Variants in USP42 observed in about 807,000 individuals in gnomAD.
USP42 encodes the protein ubiquitin specific peptidase 42, also known as ubiquitin carboxyl-terminal hydrolase 42.
In USP42, 23 loss-of-function variants were observed where a neutral mutation model predicts 113.0. The observed-to-expected ratio is 0.20, with a 90% CI of 0.15 to 0.29. The LOEUF (loss-of-function observed/expected upper bound fraction) is 0.29. USP42 is among the 10% of genes least tolerant of loss of function. The pLI is 1.00. For missense variants in USP42, 2,174 were observed against 1,779.8 expected, an observed-to-expected ratio of 1.22 and a Z score of -3.99; for synonymous variants, 933 against 699.0, an observed-to-expected ratio of 1.33 and a Z score of -5.28.
At chr7:6,092,940 A>G in the USP42 span, 22 of 150,972 alleles carry the variant, frequency 1.5e-4, no homozygotes, top group Admixed American at 1.4e-3. Flanking sequence ...CTTTCATTTC[A>G]TGAGAGTCTG....
upstream of USP42, among the ~76,000 whole-genome samples, chr7:6,100,166 C>T (rs1003616556): frequency 1.3e-5 from 2 of 148,918 alleles, no homozygotes; most frequent in African/African-American, 5.1e-5. Context: ...TTTCACAGTT[C>T]TAATGACTAC....
intron 3 of USP42, among the ~76,000 whole-genome samples, chr7:6,124,020 C>G (rs1036449101): frequency 2.0e-5 from 3 of 152,016 alleles, no homozygotes; most frequent in African/African-American, 7.2e-5. Flanking sequence ...GGATTACAGA[C>G]ATGCGCCGCC....
upstream of USP42, among the ~76,000 whole-genome samples, chr7:6,104,228 G>A (rs1376520601): frequency 6.6e-6 from 1 of 151,232 alleles, no homozygotes; most frequent in African/African-American, 2.5e-5. Context: ...GACTACAGGC[G>A]CGCGCCACCA....
chr7:6,113,324 C>T (rs1252823045), intron 2 of USP42, among the ~76,000 whole-genome samples: 1 of 152,068 alleles, frequency 6.6e-6, no homozygotes, highest in African/African-American at 2.4e-5. Flanking sequence ...GTGGAAAGTC[C>T]TTTGGCTTCT....
chr7:6,153,959 C>T lies in USP42; in HGVS notation c.2405C>T (p.Pro802Leu), dbSNP rs202078216. Residue 802 changes from proline to leucine, a missense_variant, in exon 15 of 18, where the codon CCG (proline) becomes CTG (leucine). Pro to Leu is a moderately conservative substitution (Grantham distance 98, BLOSUM62 -3). Coordinates refer to ENST00000306177, the MANE Select transcript of USP42 (RefSeq NM_032172.3). Reference protein sequence around the residue: ...EAMAVAPEEPPPSAGEDIVGD... With the variant: ...EAMAVAPEEPLPSAGEDIVGD... Reference sequence around the variant, plus strand: ...ATGGCCGTCGCCCCCGAGGAGCCTCCGCCCAGCGCCGGCGAGGACATCGTG... The same window carrying T: ...ATGGCCGTCGCCCCCGAGGAGCCTCTGCCCAGCGCCGGCGAGGACATCGTG... The T allele has an allele frequency of 9.4e-6, 15 of 1,595,112 alleles. No individual in the cohort carries two copies. The highest frequency in any genetic ancestry group is 1.3e-5 in the African/African-American group (1 of 74,576).
chr7:6,134,338 C>T (rs535062745), intron 3 of USP42, among the ~76,000 whole-genome samples: 9 of 152,042 alleles, frequency 5.9e-5, no homozygotes, highest in African/African-American at 7.2e-5. Flanking sequence ...TCCTTGTTAC[C>T]GGTCATTTCT....
upstream of USP42, among the ~76,000 whole-genome samples, chr7:6,103,756 C>CA (rs56711435): frequency 1.5e-5 from 2 of 129,350 alleles, no homozygotes; most frequent in Non-Finnish European, 3.2e-5. Flanking sequence ...AAAAAAAAAA[C>CA]AAAACTTAAA....
At chr7:6,112,812 G>C (rs753575326) in intron 2 of USP42, among the ~76,000 whole-genome samples, 2 of 151,790 alleles carry the variant, frequency 1.3e-5, no homozygotes, top group Non-Finnish European at 2.9e-5. Flanking sequence ...TTGTCTTCCA[G>C]TGTGGCCCAG....
chr7:6,153,521 G>A (rs1782194846), intron 14 of USP42, among the ~76,000 whole-genome samples: 2 of 152,124 alleles, frequency 1.3e-5, no homozygotes, highest in South Asian at 2.1e-4. Flanking sequence ...TTAAAGAGAC[G>A]AAATAGCTGC....
chr7:6,143,089 G>T, intron 8 of USP42, 75 bp downstream of exon 8: 1 of 1,491,232 alleles, frequency 6.7e-7, no homozygotes, highest in Non-Finnish European at 9.3e-7. Flanking sequence ...GTTTGAGAGA[G>T]TTTGGTGTGT....
chr7:6,117,885 T>C (rs28847576), intron 3 of USP42, among the ~76,000 whole-genome samples: 52,084 of 152,070 alleles, frequency 0.34, 11,931 homozygotes, highest in East Asian at 0.73. Context: ...TTTCCTTTGC[T>C]AAAATGCCTG....
rs142287566 is a variant in USP42 at position 6,141,492 on chromosome 7, G to A, written c.795+508G>A. Reference sequence around the variant, plus strand: ...ATTACAGGCGTGAGCCACCGCGCCCGGCCTGAATTTTCATTTAATATCTTA... The same window carrying A: ...ATTACAGGCGTGAGCCACCGCGCCCAGCCTGAATTTTCATTTAATATCTTA... On this transcript the variant is annotated intron_variant, in intron 7 of 17. Coordinates refer to ENST00000306177, the MANE Select transcript of USP42 (RefSeq NM_032172.3). Among the ~76,000 whole-genome samples, 38 of 151,874 alleles carry A rather than the reference G, an allele frequency of 2.5e-4. No individual in the cohort carries two copies. In the East Asian group the frequency reaches 5.0e-3, roughly 20 times the overall value.
chr7:6,120,038 TC>T (rs1562811832), intron 3 of USP42, among the ~76,000 whole-genome samples: 1 of 152,212 alleles, frequency 6.6e-6, no homozygotes, highest in South Asian at 2.1e-4. Flanking sequence ...CTGTCTCGGC[TC>T]ACTGCAACCT....
chr7:6,120,714 G>C (rs1411447312), intron 3 of USP42, among the ~76,000 whole-genome samples: 1 of 151,856 alleles, frequency 6.6e-6, no homozygotes, highest in African/African-American at 2.4e-5. Context: ...CTCATGGGTA[G>C]CTGAGATTAC....
intron 1 of USP42, among the ~76,000 whole-genome samples, chr7:6,107,036 A>G (rs1032304432): frequency 6.6e-6 from 1 of 152,268 alleles, no homozygotes; most frequent in Non-Finnish European, 1.5e-5. Context: ...AAGAAAGGTT[A>G]TGTGTGTAGC....
rs891170945 is a variant in USP42, at chr7:6,158,976, C to T, written c.3944-474C>T. ...GGTGGCCCTGTGTTTCCGTCCCCGT[C>T]CCACTGCACCGATGACAGGGTTTGC... On this transcript the variant is annotated intron_variant, in intron 16 of 17. Transcript: ENST00000306177. This position sits in a 1 kb window ranked among gnomAD's most constrained non-coding sequence, Gnocchi z 4.2. Among the ~76,000 whole-genome samples, 2 of 152,122 alleles carry T rather than the reference C, an allele frequency of 1.3e-5. No individual in the cohort carries two copies. The highest frequency in any genetic ancestry group is 2.9e-5 in the Non-Finnish European group (2 of 68,008).
Position 6,148,018 on chromosome 7 carries a change from C to G in USP42, c.1386+126C>G. On this transcript the variant is annotated intron_variant, in intron 12 of 17. Transcript: ENST00000306177. ...TCTGAATTTCTTCTCACAGTTTAAT[C>G]AAACCCTCTTACACAGTATTTCAAA... is the stretch of plus-strand genomic sequence containing the variant. 3.8e-6 allele frequency: 4 copies of G among 1,061,778 alleles called. No homozygotes were observed. The Admixed American group carries it at 9.2e-5, about 25-fold the overall frequency. 65.8% of individuals were successfully genotyped at this position (1,061,778 alleles called of 1,614,324 possible).
intron 3 of USP42, among the ~76,000 whole-genome samples, chr7:6,132,730 G>A (rs543935819): frequency 4.0e-5 from 6 of 151,832 alleles, no homozygotes; most frequent in Admixed American, 2.0e-4. Context: ...GGAGTGCAGC[G>A]TCGAGATCTC....
chr7:6,147,182 C>T (rs1781764474), intron 11 of USP42, among the ~76,000 whole-genome samples: 2 of 152,154 alleles, frequency 1.3e-5, no homozygotes, highest in Non-Finnish European at 2.9e-5. Context: ...GGCCTCAGGC[C>T]AAGTTGAGGG....
Sources: gnomAD v4.1 joint callset for allele counts (sites outside exome capture counted in the v4.1 genomes callset) on GRCh38, gnomAD v4.1.1 for gene constraint, Gnocchi (gnomAD v3.1) non-coding constraint, MANE v1.5 for transcripts, NCBI Gene and HGNC (gene_info 2026-07-23, HGNC 2026-07-21) for gene names.